YPEL2: variants seen among roughly 807,000 people sequenced by gnomAD.
The protein encoded by YPEL2 is yippee like 2.
Under a neutral mutation model 19.1 loss-of-function variants are expected in YPEL2, and 2 were observed. The ratio of observed to expected loss-of-function variants is 0.10; its 90% CI spans 0.04 to 0.33. YPEL2 has a LOEUF of 0.33. YPEL2 is among the 10% of genes least tolerant of loss of function. YPEL2 has a pLI of 1.00. For synonymous variants in YPEL2, 52 were observed against 50.0 expected (o/e 1.04, Z -0.17); for missense variants, 66 against 140.7 (o/e 0.47, Z 2.68).
rs965902044 is a variant in YPEL2 at position 59,348,594 on chromosome 17, T to G, written c.-195-4621T>G. On this transcript the variant is annotated intron_variant, in intron 1 of 4. Coordinates refer to ENST00000312655, the MANE Select transcript of YPEL2 (RefSeq NM_001005404.4). ...TTTTAATCATAATATCTCACATATT[T>G]TCTTTCTGTGCTGCTCAGTGAAAGC... 1.1e-4 allele frequency among the ~76,000 whole-genome samples: 16 copies of G among 152,362 alleles called. No individual in the cohort carries two copies. The East Asian group carries it at 3.1e-3, about 29-fold the overall frequency.
chr17:59,336,157 G>A (rs971398748), intron 1 of YPEL2, among the ~76,000 whole-genome samples: 2 of 152,214 alleles, frequency 1.3e-5, no homozygotes, highest in African/African-American at 4.8e-5. Flanking sequence ...AGAATCTCTA[G>A]AGGAGGAAAT....
intron 4 of YPEL2, among the ~76,000 whole-genome samples, chr17:59,393,603 TCAG>T (rs1393097211): frequency 6.8e-6 from 1 of 147,294 alleles, no homozygotes; most frequent in East Asian, 2.0e-4. Context: ...GGAGGGAAGG[TCAG>T]CAGATAAACA....
chr17:59,342,306 T>C (rs1488204631), intron 1 of YPEL2, among the ~76,000 whole-genome samples: 3 of 152,188 alleles, frequency 2.0e-5, no homozygotes, highest in East Asian at 1.9e-4. Flanking sequence ...TCAGCAGATA[T>C]TTGAATGTGG....
intron 1 of YPEL2, among the ~76,000 whole-genome samples, chr17:59,342,768 C>T (rs1408100770): frequency 6.6e-6 from 1 of 152,208 alleles, no homozygotes; most frequent in Admixed American, 6.5e-5. Flanking sequence ...GATCCCTTGC[C>T]TTCTTGGTTT....
chr17:59,354,981 T>TCC (rs368906678), intron 2 of YPEL2: 2 of 147,326 alleles, frequency 1.4e-5, no homozygotes, highest in African/African-American at 5.2e-5. Flanking sequence ...TTTTTTTTTT[T>TCC]CCCCCCCTTT....
At chr17:59,378,893 C>T (rs926676621) in intron 2 of YPEL2, among the ~76,000 whole-genome samples, 18 of 152,186 alleles carry the variant, frequency 1.2e-4, no homozygotes, top group Non-Finnish European at 1.8e-4. Context: ...TTCTGCCCCT[C>T]GGCTTTTTAC....
At chr17:59,360,652 T>G (rs1214752459) in intron 2 of YPEL2, among the ~76,000 whole-genome samples, 2 of 152,126 alleles carry the variant, frequency 1.3e-5, no homozygotes, top group Non-Finnish European at 2.9e-5. Flanking sequence ...GGGTGGCAGG[T>G]GAATCAAATC....
At chr17:59,355,079 A>G (rs528659359) in intron 2 of YPEL2, 19 of 152,108 alleles carry the variant, frequency 1.2e-4, no homozygotes, top group African/African-American at 4.6e-4. Flanking sequence ...GCCATGTATC[A>G]TAAGAAATTG....
Position 59,399,075 on chromosome 17 carries a change from C to T in YPEL2, c.*1885C>T, listed in dbSNP as rs970265877. 1 of 152,480 alleles carries T rather than the reference C, an allele frequency of 6.6e-6. No homozygotes were observed. The highest frequency in any genetic ancestry group is 6.5e-5 in the Admixed American group (1 of 15,270). The allele number at this position is 152,480 out of a possible 1,614,324, so 9.4% of individuals were successfully genotyped here. A position where few individuals can be genotyped will look rare whatever the true frequency, so the allele number is the denominator to read the frequency against. ...GCCCTGGGAGATCAAGTTGTTCTCC[C>T]CACTTTACTGCAAGGTAGACTGAAG... On this transcript the variant is annotated 3_prime_UTR_variant, in exon 5 of 5. Transcript: ENST00000312655.
chr17:59,341,339 C>T (rs1000424618), intron 1 of YPEL2, among the ~76,000 whole-genome samples: 3 of 150,304 alleles, frequency 2.0e-5, no homozygotes, highest in East Asian at 2.0e-4. Flanking sequence ...TTGCAATGAG[C>T]GGAGATCGCA....
At chr17:59,332,356 G>C (rs1417481810) in intron 1 of YPEL2, among the ~76,000 whole-genome samples, 1 of 152,180 alleles carries the variant, frequency 6.6e-6, no homozygotes, top group Non-Finnish European at 1.5e-5. Context: ...TTCTCGGAGC[G>C]CGTCGTCTGC....
rs544734946 is a variant in YPEL2, at chr17:59,338,701, G to A, written c.-196+6877G>A. Reference sequence around the variant, plus strand: ...TGCAGATAGAGCACTCCGTGGGAGTGGACTGTGACTTCCTTCACAGTAAGG... The same window carrying A: ...TGCAGATAGAGCACTCCGTGGGAGTAGACTGTGACTTCCTTCACAGTAAGG... On this transcript the variant is annotated intron_variant, in intron 1 of 4. Coordinates refer to ENST00000312655, the MANE Select transcript of YPEL2 (RefSeq NM_001005404.4). 3.9e-5 allele frequency among the ~76,000 whole-genome samples: 6 copies of A among 152,266 alleles called. No individual in the cohort carries two copies. The South Asian group carries it at 1.2e-3, about 32-fold the overall frequency.
chr17:59,332,169 G>C (rs2047674081), intron 1 of YPEL2, among the ~76,000 whole-genome samples: 1 of 151,898 alleles, frequency 6.6e-6, no homozygotes, highest in Non-Finnish European at 1.5e-5. Context: ...AGCTGGAATC[G>C]CCGCTTCCTC....
At chr17:59,351,307 G>A (rs771757476) in intron 1 of YPEL2, among the ~76,000 whole-genome samples, 3 of 152,034 alleles carry the variant, frequency 2.0e-5, no homozygotes, top group East Asian at 1.9e-4. Flanking sequence ...CCCGGGAGGC[G>A]GAGGTTGCCG....
chr17:59,353,892 A>C lies in YPEL2; in HGVS notation c.117+366A>C. ...CTCAGAAGGTGAATTCTGATAAAGC[A>C]GGGGAATGTCTTGTAAGAGGGGTTC... is the stretch of plus-strand genomic sequence containing the variant. On this transcript the variant is annotated intron_variant, in intron 2 of 4. Transcript: ENST00000312655. This position sits in a 1 kb window ranked among gnomAD's most constrained non-coding sequence, Gnocchi z 4.8. 1 of 324,610 alleles carries C rather than the reference A, an allele frequency of 3.1e-6. No individual in the cohort carries two copies. The allele number at this position is 324,610 out of a possible 1,614,324, so 20.1% of individuals were successfully genotyped here. A position where few individuals can be genotyped will look rare whatever the true frequency, so the allele number is the denominator to read the frequency against.
chr17:59,383,948 C>T (rs1168709726), intron 2 of YPEL2, among the ~76,000 whole-genome samples: 4 of 151,876 alleles, frequency 2.6e-5, no homozygotes, highest in African/African-American at 9.7e-5. Flanking sequence ...CAGTTTGGGG[C>T]GATAATGAAT....
At chr17:59,347,382 C>T (rs1397978995) in intron 1 of YPEL2, among the ~76,000 whole-genome samples, 1 of 152,204 alleles carries the variant, frequency 6.6e-6, no homozygotes, top group African/African-American at 2.4e-5. Context: ...CTGCCTCAGC[C>T]TCCCGAAGTG....
At chr17:59,337,436 G>C (rs1014824972) in intron 1 of YPEL2, among the ~76,000 whole-genome samples, 1 of 151,910 alleles carries the variant, frequency 6.6e-6, no homozygotes, top group African/African-American at 2.4e-5. Flanking sequence ...TGATCCGCCC[G>C]CCTCGGCCTC....
At chr17:59,387,257 T>TCAAAAAAAA (rs1555571964) in intron 2 of YPEL2, among the ~76,000 whole-genome samples, 3 of 77,588 alleles carry the variant, frequency 3.9e-5, no homozygotes, top group African/African-American at 4.9e-5. Flanking sequence ...AGACTCCATC[T>TCAAAAAAAA]AAAAAAAAAA....
Sources: gnomAD v4.1 joint callset for allele counts (sites outside exome capture counted in the v4.1 genomes callset) on GRCh38, gnomAD v4.1.1 for gene constraint, Gnocchi (gnomAD v3.1) non-coding constraint, MANE v1.5 for transcripts, NCBI Gene and HGNC (gene_info 2026-07-23, HGNC 2026-07-21) for gene names.